The following CNTNAP2 variants were observed in gnomAD, a reference collection of about 807,000 sequenced individuals.
CNTNAP2 encodes the protein contactin-associated protein-like 2.
In CNTNAP2, 98 loss-of-function variants were observed where a neutral mutation model predicts 155.2. That is an observed-to-expected ratio of 0.63 (90% CI 0.54 to 0.75). CNTNAP2 has a LOEUF of 0.75. Ranked by LOEUF, CNTNAP2 falls within the 30% of genes least tolerant of loss-of-function variation. CNTNAP2 has a pLI of 0.00. For synonymous variants in CNTNAP2, 651 were observed against 631.2 expected (o/e 1.03, Z -0.47); for missense variants, 1,727 against 1,688.1 (o/e 1.02, Z -0.40).
intron 8 of CNTNAP2, among the ~76,000 whole-genome samples, chr7:147,271,121 A>T (rs1804740335): frequency 1.3e-5 from 2 of 152,212 alleles, no homozygotes; most frequent in African/African-American, 4.8e-5. Flanking sequence ...AAATGTAAGT[A>T]GTTTCACGAA....
intron 12 of CNTNAP2, among the ~76,000 whole-genome samples, chr7:147,596,198 T>A (rs550753401): frequency 6.6e-6 from 1 of 152,216 alleles, no homozygotes; most frequent in Non-Finnish European, 1.5e-5. Context: ...GACAAAAAAC[T>A]GGCAGTCATC....
chr7:148,061,176 T>C (rs1803122004), intron 15 of CNTNAP2, among the ~76,000 whole-genome samples: 1 of 151,840 alleles, frequency 6.6e-6, no homozygotes, highest in Admixed American at 6.6e-5. Flanking sequence ...AACATCAAAA[T>C]TAATGTGTTT....
At chr7:146,965,343 T>C (rs1350851813) in intron 3 of CNTNAP2, among the ~76,000 whole-genome samples, 2 of 152,116 alleles carry the variant, frequency 1.3e-5, no homozygotes, top group African/African-American at 4.8e-5. Flanking sequence ...ACTATTCATA[T>C]CACTGTCTTA....
At chr7:148,409,288 G>T in intron 22 of CNTNAP2, 103 bp from the exon 23 acceptor site, 1 of 922,038 alleles carries the variant, frequency 1.1e-6, no homozygotes, top group Non-Finnish European at 1.8e-6. Context: ...TTTCATTTGG[G>T]AAAACAGGAA....
At position 147,212,713 on chromosome 7, in the gene CNTNAP2, A is replaced by T. The variant is rs186742462; in HGVS notation, c.1348+80204A>T. 1.4e-3 allele frequency among the ~76,000 whole-genome samples: 211 copies of T among 152,294 alleles called. 3 individuals carry two copies. The highest frequency in any genetic ancestry group is 0.01 in the Admixed American group (160 of 15,272). ...CAAATATACCCATACAACACACTTGAACATGTTCCCCTGAATCTAAAATTA... is the reference window on the plus strand; with the variant it reads ...CAAATATACCCATACAACACACTTGTACATGTTCCCCTGAATCTAAAATTA... On this transcript the variant is annotated intron_variant, in intron 8 of 23. Transcript: ENST00000361727.
At chr7:146,585,101 GTGTTT>G (rs10677797) in intron 1 of CNTNAP2, among the ~76,000 whole-genome samples, 1,917 of 147,960 alleles carry the variant, frequency 0.013, 14 homozygotes, top group Non-Finnish European at 0.019. Context: ...GAGTATCTTG[GTGTTT>G]TGTTTTGTTT....
chr7:146,885,656 ACTT>A (rs1795641448), intron 3 of CNTNAP2, among the ~76,000 whole-genome samples: 1 of 152,120 alleles, frequency 6.6e-6, no homozygotes, highest in South Asian at 2.1e-4. Context: ...TGTCTTCAGA[ACTT>A]CTTTTTGCAA....
At chr7:147,081,703 T>C (rs923003190) in intron 4 of CNTNAP2, 22 of 151,626 alleles carry the variant, frequency 1.5e-4, no homozygotes, top group Admixed American at 1.3e-3. Context: ...TCTGCCCACC[T>C]CAGCCTCTGA....
intron 1 of CNTNAP2, among the ~76,000 whole-genome samples, chr7:146,617,013 G>GTTTTTTTTT (rs202142671): frequency 8.8e-6 from 1 of 113,042 alleles, no homozygotes; most frequent in Non-Finnish European, 1.8e-5. Flanking sequence ...AGGAAACCTG[G>GTTTTTTTTT]TTTTTTTGTT....
chr7:147,356,571 C>A (rs949720430), intron 9 of CNTNAP2, among the ~76,000 whole-genome samples: 1 of 151,962 alleles, frequency 6.6e-6, no homozygotes, highest in Non-Finnish European at 1.5e-5. Context: ...GGTAAGAATT[C>A]TTTATTTAGT....
At chr7:147,333,779 A>G (rs561496883) in intron 9 of CNTNAP2, among the ~76,000 whole-genome samples, 75 of 152,326 alleles carry the variant, frequency 4.9e-4, no homozygotes, top group African/African-American at 1.4e-3. Context: ...TAATGCCATA[A>G]GTAATGGAAA....
intron 1 of CNTNAP2, among the ~76,000 whole-genome samples, chr7:146,257,435 A>T (rs1799857049): frequency 6.6e-6 from 1 of 152,098 alleles, no homozygotes; most frequent in Non-Finnish European, 1.5e-5. Flanking sequence ...CCCCAAAATG[A>T]CTGTTTTACT....
rs561625635 is a variant in CNTNAP2 at position 147,597,296 on chromosome 7, T to A, written c.1897+35039T>A. ...CTTCCTTCTATCTAGAACTTTCCCC[T>A]GTCCCACCTACCCATGCCCCTCACT... On this transcript the variant is annotated intron_variant, in intron 12 of 23. Transcript: ENST00000361727. 2.0e-5 allele frequency among the ~76,000 whole-genome samples: 3 copies of A among 152,290 alleles called. No individual in the cohort carries two copies. In the East Asian group the frequency reaches 5.8e-4, roughly 29 times the overall value.
chr7:147,458,278 T>C (rs778305568), intron 10 of CNTNAP2, among the ~76,000 whole-genome samples: 17 of 152,174 alleles, frequency 1.1e-4, no homozygotes, highest in Non-Finnish European at 2.4e-4. Context: ...TTTGGTGTTA[T>C]AAATAGAAAC....
chr7:147,346,780 AGACT>A (rs1476592936), intron 9 of CNTNAP2, among the ~76,000 whole-genome samples: 1 of 152,224 alleles, frequency 6.6e-6, no homozygotes, highest in South Asian at 2.1e-4. Context: ...GAGTGGATCT[AGACT>A]GACCTTTCAA....
chr7:146,381,103 G>C (rs977441894), intron 1 of CNTNAP2, among the ~76,000 whole-genome samples: 4 of 151,946 alleles, frequency 2.6e-5, no homozygotes, highest in African/African-American at 9.7e-5. Flanking sequence ...CGGCCTGCAC[G>C]TTCTTATATA....
At chr7:146,155,818 A>C (rs1425579350) in intron 1 of CNTNAP2, among the ~76,000 whole-genome samples, 1 of 151,378 alleles carries the variant, frequency 6.6e-6, no homozygotes, top group East Asian at 1.9e-4. Context: ...TCCTGCCTCA[A>C]CCTCCCAAGT....
intron 13 of CNTNAP2, among the ~76,000 whole-genome samples, chr7:147,701,925 G>A (rs1167446730): frequency 1.3e-5 from 2 of 151,988 alleles, no homozygotes; most frequent in Non-Finnish European, 2.9e-5. Context: ...CCTAAGTTTT[G>A]GGTCCAGCTC....
At chr7:148,172,078 G>A (rs1805803915) in intron 17 of CNTNAP2, among the ~76,000 whole-genome samples, 164 bp from the exon 18 acceptor site, 1 of 152,162 alleles carries the variant, frequency 6.6e-6, no homozygotes. Context: ...TAGCCTGCAG[G>A]GAGAAAAGCT....
Sources: gnomAD v4.1 joint callset for allele counts (sites outside exome capture counted in the v4.1 genomes callset) on GRCh38, gnomAD v4.1.1 for gene constraint, MANE v1.5 for transcripts, NCBI Gene and HGNC (gene_info 2026-07-23, HGNC 2026-07-21) for gene names.